The following CDK14 variants were observed in gnomAD, a reference collection of about 807,000 sequenced individuals.
The protein encoded by CDK14 is cyclin dependent kinase 14, also known as cyclin-dependent kinase 14.
Under a neutral mutation model 60.7 loss-of-function variants are expected in CDK14, and 34 were observed. The observed-to-expected ratio is 0.56, with a 90% CI of 0.43 to 0.75. The LOEUF (loss-of-function observed/expected upper bound fraction) is 0.75, where lower values mean the gene tolerates loss of function less well. CDK14 is among the 30% of genes least tolerant of loss of function. The pLI, the probability that CDK14 is intolerant of heterozygous loss-of-function variation, is 0.00. For synonymous variants in CDK14, 197 were observed against 203.7 expected (o/e 0.97, Z 0.28); for missense variants, 482 against 564.1 (o/e 0.85, Z 1.47).
chr7:90,949,742 G>C (rs1319294689), intron 8 of CDK14, among the ~76,000 whole-genome samples: 2 of 152,124 alleles, frequency 1.3e-5, no homozygotes, highest in Non-Finnish European at 2.9e-5. Flanking sequence ...ATAAAAAGTA[G>C]CACTGTTGAA....
intron 10 of CDK14, among the ~76,000 whole-genome samples, chr7:91,017,916 C>T (rs749065827): frequency 2.6e-5 from 4 of 152,100 alleles, no homozygotes; most frequent in Non-Finnish European, 4.4e-5. Context: ...CATCCAATTT[C>T]GGGGATTGGA....
intron 7 of CDK14, among the ~76,000 whole-genome samples, chr7:90,913,918 G>A (rs542798278): frequency 1.3e-5 from 2 of 152,298 alleles, no homozygotes; most frequent in South Asian, 4.1e-4. Flanking sequence ...GAAGGTCAAA[G>A]AGACCTTCAA....
chr7:90,670,241 T>C (rs558385655), intron 2 of CDK14, among the ~76,000 whole-genome samples: 2 of 152,198 alleles, frequency 1.3e-5, no homozygotes, highest in Non-Finnish European at 2.9e-5. Context: ...GTTTCCAGTA[T>C]GGTATTTTGC....
At chr7:91,065,261 A>G (rs978619292) in intron 11 of CDK14, among the ~76,000 whole-genome samples, 1 of 152,228 alleles carries the variant, frequency 6.6e-6, no homozygotes, top group African/African-American at 2.4e-5. Flanking sequence ...GTGACAGGGC[A>G]GTGCAATTCT....
intron 8 of CDK14, among the ~76,000 whole-genome samples, chr7:90,928,079 C>T (rs1793475378): frequency 6.6e-6 from 1 of 152,100 alleles, no homozygotes; most frequent in Admixed American, 6.5e-5. Context: ...CATTTAAGGA[C>T]TTCTCTACAC....
At chr7:91,195,156 T>G (rs1584201106) in intron 14 of CDK14, among the ~76,000 whole-genome samples, 1 of 152,244 alleles carries the variant, frequency 6.6e-6, no homozygotes, top group East Asian at 1.9e-4. Flanking sequence ...CTTCACATTT[T>G]TAATGAGCTG....
At chr7:91,039,475 T>TG (rs1395701610) in intron 10 of CDK14, among the ~76,000 whole-genome samples, 1 of 152,204 alleles carries the variant, frequency 6.6e-6, no homozygotes, top group Non-Finnish European at 1.5e-5. Flanking sequence ...GTGAAAAACG[T>TG]GGGTCCCCTC....
intron 6 of CDK14, 87 bp downstream of exon 6, chr7:90,863,356 G>A: frequency 1.4e-6 from 1 of 702,368 alleles, no homozygotes; most frequent in Non-Finnish European, 2.4e-6. Context: ...TTTTTAGATT[G>A]CTGTACTGAA....
chr7:91,080,000 T>C (rs1352307489), intron 12 of CDK14, among the ~76,000 whole-genome samples: 1 of 152,238 alleles, frequency 6.6e-6, no homozygotes, highest in East Asian at 1.9e-4. Context: ...TTTGTTGTTT[T>C]TGAGATTTCA....
At chr7:90,918,240 AC>A (rs1326649678) in intron 8 of CDK14, among the ~76,000 whole-genome samples, 1 of 152,194 alleles carries the variant, frequency 6.6e-6, no homozygotes, top group Non-Finnish European at 1.5e-5. Context: ...GGCTTTAATA[AC>A]TAGAAATCTA....
At chr7:91,095,068 T>C (rs954273617) in intron 12 of CDK14, among the ~76,000 whole-genome samples, 3 of 152,228 alleles carry the variant, frequency 2.0e-5, no homozygotes, top group African/African-American at 2.4e-5. Context: ...TCCACTCTTA[T>C]AGAACTTATC....
chr7:91,014,596 G>A (rs979667803), intron 10 of CDK14, among the ~76,000 whole-genome samples: 11 of 152,144 alleles, frequency 7.2e-5, no homozygotes, highest in African/African-American at 2.7e-4. Context: ...TGATGTAGAG[G>A]TAGCAGTAGT....
chr7:90,982,295 G>A (rs1004920780), intron 9 of CDK14, among the ~76,000 whole-genome samples: 4 of 152,166 alleles, frequency 2.6e-5, no homozygotes, highest in Non-Finnish European at 5.9e-5. Context: ...GTTGGAATTT[G>A]CTATCAAGAG....
intron 4 of CDK14, among the ~76,000 whole-genome samples, chr7:90,786,816 G>A (rs1433330566): frequency 2.7e-5 from 4 of 150,784 alleles, no homozygotes; most frequent in Non-Finnish European, 4.4e-5. Flanking sequence ...CTACTCTGGA[G>A]GCTGAGGTAG....
At chr7:91,145,410 A>G (rs751602554) in intron 14 of CDK14, among the ~76,000 whole-genome samples, 1 of 152,258 alleles carries the variant, frequency 6.6e-6, no homozygotes, top group Non-Finnish European at 1.5e-5. Flanking sequence ...TGCACATAAG[A>G]AAGCCAGTCT....
At position 90,707,941 on chromosome 7, in the gene CDK14, A is replaced by G. The variant is rs549274100; in HGVS notation, c.124-18626A>G. ...AGAGCACATGGCTCTTCACATTGCT[A>G]GGCACATTAGCACGTTTGCTGAATG... On this transcript the variant is annotated intron_variant, in intron 2 of 14. Coordinates refer to ENST00000380050, the MANE Select transcript of CDK14 (RefSeq NM_001287135.2). Among the ~76,000 whole-genome samples, 4 of 152,334 alleles carry G rather than the reference A, an allele frequency of 2.6e-5. No homozygotes were observed. The South Asian group carries it at 8.3e-4, about 32-fold the overall frequency.
At chr7:91,070,544 A>G (rs1467257093) in intron 11 of CDK14, among the ~76,000 whole-genome samples, 1 of 152,116 alleles carries the variant, frequency 6.6e-6, no homozygotes, top group African/African-American at 2.4e-5. Flanking sequence ...GGATTGCTTG[A>G]GCCCAGGAAT....
chr7:90,687,857 T>C (rs1449673924), intron 2 of CDK14, among the ~76,000 whole-genome samples: 1 of 152,268 alleles, frequency 6.6e-6, no homozygotes, highest in East Asian at 1.9e-4. Flanking sequence ...CCCTGATAAA[T>C]AAAATTGTGG....
At chr7:90,892,579 G>C (rs1482562113) in intron 6 of CDK14, among the ~76,000 whole-genome samples, 1 of 152,102 alleles carries the variant, frequency 6.6e-6, no homozygotes, top group African/African-American at 2.4e-5. Flanking sequence ...CAGCCACAGA[G>C]AAATCAAATC....
Sources: allele counts gnomAD v4.1 joint callset (sites outside exome capture counted in the v4.1 genomes callset), GRCh38; gene constraint gnomAD v4.1.1; transcripts MANE v1.5; gene names NCBI Gene and HGNC (gene_info 2026-07-23, HGNC 2026-07-21).